The following SLC36A1 variants were observed in gnomAD, a reference collection of about 807,000 sequenced individuals.
SLC36A1 encodes proton-coupled amino acid transporter 1.
Under a neutral mutation model 47.5 loss-of-function variants are expected in SLC36A1, and 30 were observed. That is an observed-to-expected ratio of 0.63 (90% CI 0.47 to 0.86). The LOEUF is 0.86. Among genes scored for constraint, SLC36A1 ranks in the 40% least tolerant of loss-of-function variants. The pLI, the probability that SLC36A1 is intolerant of heterozygous loss-of-function variation, is 0.00. For missense variants in SLC36A1, 517 were observed against 606.0 expected (o/e 0.85, Z 1.54); for synonymous variants, 255 against 249.7 (o/e 1.02, Z -0.20).
intron 7 of SLC36A1, among the ~76,000 whole-genome samples, chr5:151,469,009 A>G (rs1035925397): frequency 1.3e-5 from 2 of 152,132 alleles, no homozygotes; most frequent in South Asian, 4.1e-4. Flanking sequence ...CTTAAACACT[A>G]TGGCTGTTTG....
chr5:151,423,259 G>A, the SLC36A1 span, among the ~76,000 whole-genome samples: 4 of 152,256 alleles, frequency 2.6e-5, no homozygotes, highest in South Asian at 8.3e-4. Flanking sequence ...TACTCTTACC[G>A]TATGATCTAG....
the SLC36A1 span, among the ~76,000 whole-genome samples, chr5:151,534,980 T>C: frequency 7.1e-6 from 1 of 139,918 alleles, no homozygotes; most frequent in African/African-American, 2.6e-5. Context: ...AATATATATA[T>C]ATATATATAT....
At chr5:151,521,391 ACCCTGGCAGGTTGGC>A in the SLC36A1 span, 3 of 1,614,116 alleles carry the variant, frequency 1.9e-6, no homozygotes, top group Non-Finnish European at 2.5e-6. Flanking sequence ...GGCAGATTTG[ACCCTGGCAGGTTGGC>A]CCCTGGCAGG....
chr5:151,405,052 A>G, the SLC36A1 span, among the ~76,000 whole-genome samples: 4 of 152,202 alleles, frequency 2.6e-5, no homozygotes, highest in South Asian at 4.1e-4. Context: ...GTCTCTTTAC[A>G]TAAGCCCATA....
chr5:151,384,776 C>T, the SLC36A1 span, among the ~76,000 whole-genome samples: 2 of 152,158 alleles, frequency 1.3e-5, no homozygotes, highest in African/African-American at 4.8e-5. Flanking sequence ...ATGCAACCCT[C>T]AAACCTCTCA....
chr5:151,389,508 C>T, the SLC36A1 span, among the ~76,000 whole-genome samples: 1 of 151,180 alleles, frequency 6.6e-6, no homozygotes, highest in African/African-American at 2.4e-5. Context: ...TGTGCTGCAC[C>T]CATTAACTCG....
At chr5:151,482,802 A>G (rs529087651) in intron 10 of SLC36A1, among the ~76,000 whole-genome samples, 28 of 152,332 alleles carry the variant, frequency 1.8e-4, no homozygotes, top group Non-Finnish European at 2.5e-4. Flanking sequence ...ACTGTCCAAG[A>G]CTACTATGAA....
At chr5:151,381,048 A>G in the SLC36A1 span, 1 of 418,288 alleles carries the variant, frequency 2.4e-6, no homozygotes, top group Non-Finnish European at 4.7e-6. Context: ...GTGTCAGTGG[A>G]CAGAGAGAAG....
the SLC36A1 span, among the ~76,000 whole-genome samples, chr5:151,383,570 A>ATTT: frequency 4.7e-4 from 65 of 137,152 alleles, 6 homozygotes; most frequent in Middle Eastern, 3.5e-3. Context: ...TTTTAACTTA[A>ATTT]ATTTTTTTTT....
chr5:151,525,634 G>T, the SLC36A1 span: 1 of 907,024 alleles, frequency 1.1e-6, no homozygotes, highest in Non-Finnish European at 1.7e-6. Context: ...GTCCTGAGAA[G>T]GACCTAGCCC....
the SLC36A1 span, among the ~76,000 whole-genome samples, chr5:151,552,866 A>T: frequency 1.3e-5 from 2 of 152,182 alleles, no homozygotes; most frequent in Non-Finnish European, 2.9e-5. Flanking sequence ...AGGAAACACA[A>T]AGCATTTCTG....
chr5:151,344,819 G>C, the SLC36A1 span, among the ~76,000 whole-genome samples: 1 of 152,164 alleles, frequency 6.6e-6, no homozygotes, highest in East Asian at 1.9e-4. Context: ...CATAAAACTA[G>C]TAGTAGAGAC....
chr5:151,417,764 G>T, the SLC36A1 span, among the ~76,000 whole-genome samples: 1 of 152,242 alleles, frequency 6.6e-6, no homozygotes, highest in Non-Finnish European at 1.5e-5. Context: ...ACCAGTTTTG[G>T]TGGGGGGAAT....
At chr5:151,511,702 G>A in the SLC36A1 span, 1 of 165,290 alleles carries the variant, frequency 6.0e-6, no homozygotes, top group African/African-American at 2.4e-5. Context: ...CTGAGCGAAA[G>A]CGTAAACAAC....
the SLC36A1 span, chr5:151,546,348 A>T: frequency 6.2e-7 from 1 of 1,602,338 alleles, no homozygotes; most frequent in Non-Finnish European, 8.5e-7. Context: ...CTGAAACAGA[A>T]GACAAGACAA....
At chr5:151,359,242 C>T in the SLC36A1 span, among the ~76,000 whole-genome samples, 16 of 152,178 alleles carry the variant, frequency 1.1e-4, no homozygotes, top group Non-Finnish European at 1.8e-4. Context: ...AGTCAGCTAA[C>T]TTTCAAACAA....
chr5:151,513,484 A>T, the SLC36A1 span, among the ~76,000 whole-genome samples: 2 of 152,220 alleles, frequency 1.3e-5, no homozygotes, highest in Non-Finnish European at 2.9e-5. Flanking sequence ...TAAGCAAACT[A>T]ACACAGGAAC....
chr5:151,534,394 C>T, the SLC36A1 span: 22 of 1,587,130 alleles, frequency 1.4e-5, no homozygotes, highest in Non-Finnish European at 1.7e-5. Flanking sequence ...TGGCCTCAAT[C>T]CTTCTCAGAC....
intron 1 of SLC36A1, among the ~76,000 whole-genome samples, chr5:151,456,688 A>T (rs983164408): frequency 6.6e-6 from 1 of 152,192 alleles, no homozygotes; most frequent in African/African-American, 2.4e-5. Flanking sequence ...GCTAGGCAGG[A>T]TCGTCTCTGG....
Sources: allele counts gnomAD v4.1 joint callset (sites outside exome capture counted in the v4.1 genomes callset), GRCh38; gene constraint gnomAD v4.1.1; transcripts MANE v1.5; gene names NCBI Gene and HGNC (gene_info 2026-07-23, HGNC 2026-07-21).